Variants in TNN observed in about 807,000 individuals in gnomAD.
The protein encoded by TNN is tenascin N.
A neutral mutation model predicts 134.4 loss-of-function variants in TNN; 122 were observed. The observed-to-expected ratio is 0.91, with a 90% confidence interval of 0.78 to 1.06. The LOEUF (loss-of-function observed/expected upper bound fraction) is 1.06. Among genes scored for constraint, TNN ranks in the 50% least tolerant of loss-of-function variants. The probability of loss-of-function intolerance (pLI) is 0.00; values close to 1 mark genes in which losing one functional copy is unlikely to be tolerated. For missense variants in TNN, 1,739 were observed against 1,699.4 expected, an observed-to-expected ratio of 1.02 and a Z score of -0.41; for synonymous variants, 710 against 670.3, an observed-to-expected ratio of 1.06 and a Z score of -0.91.
At chr1:175,122,746 A>G (rs1675409591) in intron 11 of TNN, among the ~76,000 whole-genome samples, 2 of 152,232 alleles carry the variant, frequency 1.3e-5, no homozygotes, top group Admixed American at 1.3e-4. Context: ...TTCTCTTGAG[A>G]CAATCTGTCA....
chr1:175,073,993 G>A (rs965230733), intron 1 of TNN, among the ~76,000 whole-genome samples: 7 of 151,994 alleles, frequency 4.6e-5, no homozygotes, highest in South Asian at 2.1e-4. Context: ...ACTTGGCCTC[G>A]CCAAAGTCTG....
At chr1:175,079,958 C>T (rs1674160079) in intron 3 of TNN, among the ~76,000 whole-genome samples, 1 of 109,910 alleles carries the variant, frequency 9.1e-6, no homozygotes, top group African/African-American at 4.3e-5. Flanking sequence ...GATCTAATGG[C>T]TGTGTGTGAG....
rs912778588 is a variant in TNN at position 175,135,770 on chromosome 1, T to C, written c.3331-75T>C. The C allele has an allele frequency of 7.5e-6, 9 of 1,192,996 alleles. No homozygotes were observed. In the African/African-American group the frequency reaches 1.3e-4, roughly 18 times the overall value. 73.9% of individuals were successfully genotyped at this position (1,192,996 alleles called of 1,614,324 possible). A position where few individuals can be genotyped will look rare whatever the true frequency, so the allele number is the denominator to read the frequency against. ...GGAGGAAGGCAGTGTATGAGCAAGC[T>C]CTTGGTCTTCTCTTGTCTCCCAGCA... On this transcript the variant is annotated intron_variant, in intron 15 of 18. Transcript: ENST00000239462.
At chr1:175,130,182 C>T (rs1322899467) in intron 15 of TNN, among the ~76,000 whole-genome samples, 1 of 152,208 alleles carries the variant, frequency 6.6e-6, no homozygotes, top group African/African-American at 2.4e-5. Flanking sequence ...CCGCAACTCA[C>T]TGTGGGAAAG....
chr1:175,104,180 G>A lies in TNN; in HGVS notation c.2119+5585G>A, dbSNP rs1674796524. 2.1e-5 allele frequency among the ~76,000 whole-genome samples: 3 copies of A among 146,272 alleles called. 1 individual carries two copies. In the South Asian group the frequency reaches 6.9e-4, roughly 33 times the overall value. On this transcript the variant is annotated intron_variant, in intron 9 of 18. Coordinates refer to ENST00000239462, the MANE Select transcript of TNN (RefSeq NM_022093.2). The stretch of plus-strand genomic sequence containing the variant: ...AGGCTGTCCCAGGATTCCTCGGATG[G>A]TAACAGACCTTGAGGACAGTTGTCT...
chr1:175,106,836 G>A (rs1033683234), intron 9 of TNN, among the ~76,000 whole-genome samples: 2 of 145,582 alleles, frequency 1.4e-5, no homozygotes, highest in Non-Finnish European at 3.0e-5. Context: ...GCAAACCAAC[G>A]GTCCCAACTC....
At chr1:175,109,131 G>T (rs965603042) in intron 9 of TNN, among the ~76,000 whole-genome samples, 1 of 118,260 alleles carries the variant, frequency 8.5e-6, no homozygotes, top group Non-Finnish European at 1.7e-5. Flanking sequence ...GCCCAGGCCG[G>T]ACTGCGGACT....
chr1:175,143,518 G>GGTATGTGTGTGT (rs1675987100), intron 17 of TNN, among the ~76,000 whole-genome samples: 1 of 148,642 alleles, frequency 6.7e-6, no homozygotes. Context: ...TTTGTGTGTA[G>GGTATGTGTGTGT]GTGTGTGTGT....
At position 175,080,243 on chromosome 1, in the gene TNN, G is replaced by A. The variant is rs16847812; in HGVS notation, c.865G>A (p.Asp289Asn). 241,077 of 1,613,918 alleles carry A rather than the reference G, an allele frequency of 0.15. 19,509 individuals carry two copies. Among genetic ancestry groups the A allele is most frequent in the East Asian group, 0.24 (10,768 of 44,854 alleles). Residue 289 changes from aspartate (D) to asparagine (N), a missense_variant, in exon 4 of 19, where the codon GAT becomes AAT. Transcript: ENST00000239462. ...GAGCTGGGAGCCCTCCAGCCAGGTG[G>A]ATCACTACCTCCTCAGCTACTACCC... Reference protein sequence around the residue: ...LVSWEPSSQVDHYLLSYYPLG... With the variant: ...LVSWEPSSQVNHYLLSYYPLG...
At chr1:175,120,471 G>A (rs1675321701) in intron 11 of TNN, among the ~76,000 whole-genome samples, 1 of 152,212 alleles carries the variant, frequency 6.6e-6, no homozygotes, top group African/African-American at 2.4e-5. Flanking sequence ...GTCCAGGGCT[G>A]ATACGGTAGC....
At chr1:175,084,828 C>G (rs1255229215) in intron 5 of TNN, among the ~76,000 whole-genome samples, 1 of 152,054 alleles carries the variant, frequency 6.6e-6, no homozygotes, top group African/African-American at 2.4e-5. Flanking sequence ...AGAGAAATAA[C>G]TTTTTTTTAA....
intron 1 of TNN, among the ~76,000 whole-genome samples, chr1:175,071,396 C>T (rs1487899854): frequency 6.6e-6 from 1 of 152,262 alleles, no homozygotes; most frequent in African/African-American, 2.4e-5. Context: ...GGCTTGGATG[C>T]CATCTGCCCC....
At position 175,111,313 on chromosome 1, in the gene TNN, C is replaced by T. The variant is rs567625740; in HGVS notation, c.2120-5626C>T. Reference sequence around the variant, plus strand: ...AGCCTGGGCAACAAGAGTGAAACTCCGTCTCAAAACAAAAGCAAAAATAAT... The same window carrying T: ...AGCCTGGGCAACAAGAGTGAAACTCTGTCTCAAAACAAAAGCAAAAATAAT... On this transcript the variant is annotated intron_variant, in intron 9 of 18. Coordinates refer to ENST00000239462, the MANE Select transcript of TNN (RefSeq NM_022093.2). Among the ~76,000 whole-genome samples the T allele has an allele frequency of 1.3e-3, 202 of 150,456 alleles. 1 individual carries two copies. The highest frequency in any genetic ancestry group is 9.5e-3 in the South Asian group (45 of 4,734).
intron 14 of TNN, 27 bp downstream of exon 14, chr1:175,128,191 G>A (rs369657732): frequency 2.3e-5 from 36 of 1,557,830 alleles, no homozygotes; most frequent in Non-Finnish European, 2.8e-5. Context: ...TACTCTGAAC[G>A]ACCGTGCAAT....
intron 9 of TNN, among the ~76,000 whole-genome samples, chr1:175,114,048 A>G (rs956796263): frequency 1.3e-5 from 2 of 152,016 alleles, no homozygotes; most frequent in African/African-American, 2.4e-5. Context: ...CTGACAATGT[A>G]TCGATTTCTT....
Position 175,147,019 on chromosome 1 carries a change from C to G in TNN, c.3848C>G (p.Pro1283Arg). ...CGCCCTCATGGCTACAGCAGGGAGC[C>G]TGTCCTGGGCAGAAAGAAGCGGACG... is the stretch of plus-strand genomic sequence containing the variant. The part of the protein sequence containing the change: ...KIRPHGYSRE[P>R]VLGRKKRTLR... The change falls in exon 19 of 19, where the codon CCT becomes CGT. Residue 1283 changes from proline (P) to arginine (R), a missense_variant. Transcript: ENST00000239462. 1 of 1,603,918 alleles carries G rather than the reference C, an allele frequency of 6.2e-7. No homozygotes were observed. The highest frequency in any genetic ancestry group is 8.5e-7 in the Non-Finnish European group (1 of 1,173,984).
intron 18 of TNN, among the ~76,000 whole-genome samples, chr1:175,146,089 T>C (rs1365191869): frequency 6.6e-6 from 1 of 152,136 alleles, no homozygotes; most frequent in Non-Finnish European, 1.5e-5. Flanking sequence ...TCCCAATCTT[T>C]ATGTGATTTT....
intron 17 of TNN, among the ~76,000 whole-genome samples, chr1:175,140,989 C>T (rs1487559703): frequency 6.6e-6 from 1 of 152,174 alleles, no homozygotes; most frequent in Non-Finnish European, 1.5e-5. Flanking sequence ...TCCCCAGCCT[C>T]TATCTTCATT....
intron 17 of TNN, among the ~76,000 whole-genome samples, chr1:175,137,408 GGT>G (rs1675844387): frequency 8.7e-6 from 1 of 114,664 alleles, no homozygotes; most frequent in African/African-American, 2.9e-5. Context: ...TTGAGCTTTT[GGT>G]GGCACTTTGC....
Sources: gnomAD v4.1 joint callset for allele counts (sites outside exome capture counted in the v4.1 genomes callset) on GRCh38, gnomAD v4.1.1 for gene constraint, MANE v1.5 for transcripts, NCBI Gene and HGNC (gene_info 2026-07-23, HGNC 2026-07-21) for gene names.